The following STK36 variants were observed in gnomAD, a reference collection of about 807,000 sequenced individuals.
STK36 encodes serine/threonine-protein kinase 36.
A neutral mutation model predicts 142.2 loss-of-function variants in STK36; 116 were observed. The ratio of observed to expected loss-of-function variants is 0.82; its 90% CI spans 0.70 to 0.95. The LOEUF (loss-of-function observed/expected upper bound fraction) is 0.95. Among genes scored for constraint, STK36 ranks in the 40% least tolerant of loss-of-function variants. The probability of loss-of-function intolerance (pLI) is 0.00; values close to 1 mark genes in which losing one functional copy is unlikely to be tolerated. For synonymous variants in STK36, 619 were observed against 641.7 expected (o/e 0.96, Z 0.53); for missense variants, 1,422 against 1,617.2 (o/e 0.88, Z 2.07).
chr2:218,682,311 A>G (rs1211844792), intron 10 of STK36, among the ~76,000 whole-genome samples: 3 of 152,090 alleles, frequency 2.0e-5, no homozygotes, highest in East Asian at 3.9e-4. Flanking sequence ...CTCTCCCCCT[A>G]TGGACATAGC....
intron 11 of STK36, among the ~76,000 whole-genome samples, chr2:218,688,031 A>G (rs926516941): frequency 1.3e-5 from 2 of 152,056 alleles, no homozygotes; most frequent in Non-Finnish European, 1.5e-5. Context: ...GGTGGTGGGC[A>G]CCTGTAATCC....
chr2:218,684,106 C>CTTTTTTTTTTTT lies in STK36; in HGVS notation c.1237-968_1237-957dup, dbSNP rs35807157. On this transcript the variant is annotated intron_variant, in intron 10 of 26. Transcript: ENST00000295709. Reference sequence around the variant, plus strand: ...GAGCTAATGTGCCCAGCCTCACGATCTTTTTTTTTTTTTTTTTTTTTTGAG... The same window carrying CTTTTTTTTTTTT: ...GAGCTAATGTGCCCAGCCTCACGATCTTTTTTTTTTTTTTTTTTTTTTTTTTTTTTTTTTGAG... Among the ~76,000 whole-genome samples, 3 of 105,186 alleles carry CTTTTTTTTTTTT rather than the reference C, an allele frequency of 2.9e-5. 1 individual carries two copies. The highest frequency in any genetic ancestry group is 5.6e-5 in the Non-Finnish European group (3 of 53,866). 69.0% of individuals were successfully genotyped at this position (105,186 alleles called of 152,430 possible).
chr2:218,685,367 A>G (rs2106353999), intron 11 of STK36, 139 bp downstream of exon 11: 1 of 1,101,718 alleles, frequency 9.1e-7, no homozygotes, highest in Non-Finnish European at 1.3e-6. Flanking sequence ...GAGGAGGTTT[A>G]CCAACCTCCT....
rs999615835 is a variant in STK36 at position 218,673,770 on chromosome 2, G to A, written c.225+5G>A. ...AGCTTTGAAACTGATAAAGAGGTGT[G>A]CTTTGACAGTTTTGGGCCCTGTCTC... On this transcript the variant is annotated splice_donor_5th_base_variant and intron_variant, in intron 3 of 26. Coordinates refer to ENST00000295709, the MANE Select transcript of STK36 (RefSeq NM_015690.5). 4.0e-5 allele frequency: 65 copies of A among 1,613,656 alleles called. No homozygotes were observed. The highest frequency in any genetic ancestry group is 1.0e-4 in the Admixed American group (6 of 59,948).
At chr2:218,672,974 A>C in intron 2 of STK36, 61 bp downstream of exon 2, 1 of 1,451,970 alleles carries the variant, frequency 6.9e-7, no homozygotes, top group South Asian at 1.1e-5. Flanking sequence ...CCAGTGGAAA[A>C]TGGATCTAGA....
At position 218,693,882 on chromosome 2, in the gene STK36, G is replaced by A; in HGVS notation, c.2248-13G>A. The A allele has an allele frequency of 6.2e-7, 1 of 1,614,216 alleles. No individual in the cohort carries two copies. The highest frequency in any genetic ancestry group is 8.5e-7 in the Non-Finnish European group (1 of 1,180,030). On this transcript the variant is annotated splice_polypyrimidine_tract_variant and intron_variant, in intron 18 of 26. Coordinates refer to ENST00000295709, the MANE Select transcript of STK36 (RefSeq NM_015690.5). ...GCCAGAGGTTGTTCTGATATCTTAG[G>A]TTTCCTTTGTAGGTAAAAGTAGTAG...
intron 10 of STK36, among the ~76,000 whole-genome samples, chr2:218,683,296 A>G (rs1193471231): frequency 4.1e-5 from 6 of 145,286 alleles, no homozygotes; most frequent in Non-Finnish European, 7.5e-5. Context: ...TTTTTTTAAG[A>G]TGGAGTCTTG....
chr2:218,680,217 G>A (rs1940452904), intron 9 of STK36, 137 bp downstream of exon 9: 3 of 778,564 alleles, frequency 3.9e-6, no homozygotes, highest in Non-Finnish European at 6.0e-6. Context: ...CTGAGTCCTG[G>A]ATTCTTGGAT....
At chr2:218,676,541 G>A (rs1940255014) in intron 6 of STK36, among the ~76,000 whole-genome samples, 1 of 151,908 alleles carries the variant, frequency 6.6e-6, no homozygotes, top group South Asian at 2.1e-4. Context: ...TTACAATCAT[G>A]ACGGAAAGCA....
chr2:218,673,569 T>A (rs1940087856), intron 2 of STK36, 56 bp from the exon 3 acceptor site: 1 of 1,552,174 alleles, frequency 6.4e-7, no homozygotes, highest in Non-Finnish European at 8.7e-7. Context: ...AGGCTGAAAT[T>A]CTAGATCTTT....
chr2:218,673,087 C>G (rs776655143), intron 2 of STK36, 174 bp downstream of exon 2: 7 of 557,324 alleles, frequency 1.3e-5, no homozygotes, highest in Non-Finnish European at 2.2e-5. Flanking sequence ...CAAATTCCAT[C>G]TCCACCGCTT....
chr2:218,694,318 C>A lies in STK36; in HGVS notation c.2391C>A (p.Val797=). ...CTCTCTTTACCCATTCGCATGTCGT[C>A]TCTCTTGTGGTAAGTTTTTAACCTT... ...VATLFTHSHV[V]SLVSAAACLL... is the part of the protein sequence containing the mutation. The change falls in exon 20 of 27, where the codon GTC becomes GTA. Residue 797 remains valine, a synonymous_variant. Coordinates refer to ENST00000295709, the MANE Select transcript of STK36 (RefSeq NM_015690.5). The surrounding 1 kb of genome is among the most constrained non-coding windows in gnomAD (Gnocchi z 4.4). 1.2e-6 allele frequency: 2 copies of A among 1,614,078 alleles called. No individual in the cohort carries two copies. Among genetic ancestry groups the A allele is most frequent in the Non-Finnish European group, 1.7e-6 (2 of 1,179,892 alleles).
chr2:218,674,687 C>T (rs1382085723), intron 4 of STK36, among the ~76,000 whole-genome samples: 11 of 152,186 alleles, frequency 7.2e-5, no homozygotes, highest in South Asian at 4.1e-4. Context: ...CAGCAAACTC[C>T]GCCTTCCAGG....
chr2:218,679,182 A>T lies in STK36; in HGVS notation c.699A>T (p.Gly233=), dbSNP rs1202850851. The part of the protein sequence containing the change: ...ISPCFKNFLQ[G]LLTKDPRQRL... ...TCTCTCTGTAGAACTTCCTGCAGGG[A>T]CTGCTCACCAAAGACCCACGGCAGC... Residue 233 remains glycine (G), a synonymous_variant, in exon 7 of 27, where the codon GGA becomes GGT. Coordinates refer to ENST00000295709, the MANE Select transcript of STK36 (RefSeq NM_015690.5). 1.9e-6 allele frequency: 3 copies of T among 1,613,994 alleles called. No homozygotes were observed. Among genetic ancestry groups the T allele is most frequent in the African/African-American group, 2.7e-5 (2 of 74,902 alleles).
At position 218,699,187 on chromosome 2, in the gene STK36, G is replaced by A. The variant is rs537610210; in HGVS notation, c.3643G>A (p.Ala1215Thr). ...QAGIRRNVAS[A>T]LGNLGPEGLG... ...TGGTATCCGGCGCAATGTTGCATCA[G>A]CTCTGGGCAACTTGGGACCTGAAGG... is the stretch of plus-strand genomic sequence containing the variant. The change falls in exon 26 of 27, where the codon GCT becomes ACT. Residue 1215 changes from alanine (A) to threonine (T), a missense_variant. Ala to Thr is a moderately conservative substitution (Grantham distance 58, BLOSUM62 0). This residue lies in a region of STK36 where 962 missense variants were observed against 1,167.5 expected (regional missense o/e 0.82). Transcript: ENST00000295709. 759 of 1,614,116 alleles carry A rather than the reference G, an allele frequency of 4.7e-4. 8 individuals are homozygous for A. The South Asian group carries it at 7.8e-3, about 17-fold the overall frequency.
Position 218,688,847 on chromosome 2 carries a change from C to T in STK36, c.1531C>T (p.His511Tyr), listed in dbSNP as rs1157780577. The T allele has an allele frequency of 1.2e-6, 2 of 1,612,528 alleles. No individual in the cohort carries two copies. The highest frequency in any genetic ancestry group is 1.7e-6 in the Non-Finnish European group (2 of 1,179,664). Residue 511 changes from histidine (H) to tyrosine (Y), a missense_variant, in exon 12 of 27, where the codon CAC becomes TAC. Around this residue, in one of 2 missense-constraint regions of STK36, gnomAD observed 962 missense variants for 1,167.5 expected, o/e 0.82. Coordinates refer to ENST00000295709, the MANE Select transcript of STK36 (RefSeq NM_015690.5). ...LPGLLLSLLRHSQESNSLQQQ... is the reference protein window; with the variant it reads ...LPGLLLSLLRYSQESNSLQQQ... ...TGGGCTGCTGCTGAGTCTACTCAGG[C>T]ACAGTCAGGAGAGCAACAGCCTCCA...
At chr2:218,680,472 G>C (rs1216852906) in intron 9 of STK36, 131 bp from the exon 10 acceptor site, 5 of 688,470 alleles carry the variant, frequency 7.3e-6, no homozygotes, top group Non-Finnish European at 1.2e-5. Context: ...ATCCCAGAAA[G>C]AAGTCTCCTC....
intron 25 of STK36, among the ~76,000 whole-genome samples, chr2:218,698,343 T>C (rs1303828682): frequency 6.6e-6 from 1 of 152,174 alleles, no homozygotes; most frequent in Non-Finnish European, 1.5e-5. Context: ...TTTGTTCTTT[T>C]GTTGTTTCTT....
In STK36 at chr2:218,694,176, G is replaced by C; in HGVS notation, c.2337-88G>C. The C allele has an allele frequency of 7.9e-7, 1 of 1,262,700 alleles. No homozygotes were observed. The highest frequency in any genetic ancestry group is 1.2e-6 in the Non-Finnish European group (1 of 862,616). 78.2% of individuals were successfully genotyped at this position (1,262,700 alleles called of 1,614,324 possible). A position where few individuals can be genotyped will look rare whatever the true frequency, so the allele number is the denominator to read the frequency against. On this transcript the variant is annotated intron_variant, in intron 19 of 26. Transcript: ENST00000295709. This position sits in a 1 kb window ranked among gnomAD's most constrained non-coding sequence, Gnocchi z 4.4. ...CCTTGGAGGTAGACATGCAGCCTAG[G>C]TGAAGAACACCATGCAAGGGAGAGG...
Sources: allele counts gnomAD v4.1 joint callset (sites outside exome capture counted in the v4.1 genomes callset), GRCh38; gene constraint gnomAD v4.1.1; regional missense constraint gnomAD v4.1.1; non-coding constraint Gnocchi (gnomAD v3.1); transcripts MANE v1.5; gene names NCBI Gene and HGNC (gene_info 2026-07-23, HGNC 2026-07-21).